The following MYCBP2 variants were observed in gnomAD, a reference collection of about 807,000 sequenced individuals.
The protein encoded by MYCBP2 is E3 ubiquitin-protein ligase MYCBP2.
A neutral mutation model predicts 525.3 loss-of-function variants in MYCBP2; 120 were observed. That is an observed-to-expected ratio of 0.23 (90% CI 0.20 to 0.27). The LOEUF is 0.27. Among genes scored for constraint, MYCBP2 ranks in the 10% least tolerant of loss-of-function variants. MYCBP2 has a pLI of 1.00. For missense variants in MYCBP2, 4,149 were observed against 5,657.1 expected, an observed-to-expected ratio of 0.73 and a Z score of 8.55; for synonymous variants, 1,894 against 1,955.8, an observed-to-expected ratio of 0.97 and a Z score of 0.83.
At chr13:77,317,340 T>C (rs1203381626) in intron 1 of MYCBP2, among the ~76,000 whole-genome samples, 1 of 152,192 alleles carries the variant, frequency 6.6e-6, no homozygotes, top group Non-Finnish European at 1.5e-5. Flanking sequence ...CGCCCTCTGT[T>C]GGAAATGTTT....
rs188835863 is a variant in MYCBP2 at position 77,236,876 on chromosome 13, T to A, written c.2630-3613A>T. Among the ~76,000 whole-genome samples, 146 of 150,996 alleles carry A rather than the reference T, an allele frequency of 9.7e-4. 2 individuals are homozygous for A. In the East Asian group the frequency reaches 0.019, roughly 20 times the overall value. On this transcript the variant is annotated intron_variant, in intron 17 of 82. Coordinates refer to ENST00000544440, the MANE Select transcript of MYCBP2 (RefSeq NM_015057.5). Reference sequence around the variant, plus strand: ...AGCAAGATCCTGCCTCTACAAAAAATAAATAAATAAATAAATAAATAAAAG... The same window carrying A: ...AGCAAGATCCTGCCTCTACAAAAAAAAAATAAATAAATAAATAAATAAAAG...
chr13:77,251,446 C>T, intron 14 of MYCBP2, 91 bp from the exon 15 acceptor site: 1 of 1,046,796 alleles, frequency 9.6e-7, no homozygotes, highest in Non-Finnish European at 1.4e-6. Context: ...AAAATGACAG[C>T]ATGCTAATCC....
chr13:77,065,885 A>T, intron 72 of MYCBP2, 107 bp downstream of exon 72: 1 of 659,510 alleles, frequency 1.5e-6, no homozygotes, highest in Non-Finnish European at 2.5e-6. Context: ...AATAGTCTTT[A>T]AGTAAAGTTA....
intron 21 of MYCBP2, among the ~76,000 whole-genome samples, chr13:77,212,470 C>T (rs958861376): frequency 6.6e-6 from 1 of 152,022 alleles, no homozygotes; most frequent in South Asian, 2.1e-4. Context: ...ATGAAAAGTA[C>T]GACAAATACA....
At chr13:77,263,840 A>C in intron 9 of MYCBP2, 51 bp from the exon 10 acceptor site, 1 of 1,610,340 alleles carries the variant, frequency 6.2e-7, no homozygotes, top group Non-Finnish European at 8.5e-7. Context: ...GAGGTCGTTC[A>C]AGGCTCTACA....
At chr13:77,299,998 T>C (rs112115008) in intron 1 of MYCBP2, among the ~76,000 whole-genome samples, 10 of 152,302 alleles carry the variant, frequency 6.6e-5, no homozygotes, top group African/African-American at 2.4e-4. Context: ...GTGATATAGA[T>C]CAATAGTTTC....
At chr13:77,193,574 T>A (rs1299140437) in intron 27 of MYCBP2, among the ~76,000 whole-genome samples, 1 of 152,170 alleles carries the variant, frequency 6.6e-6, no homozygotes, top group Non-Finnish European at 1.5e-5. Flanking sequence ...AATATTGAGA[T>A]AATTCTTAGG....
intron 17 of MYCBP2, among the ~76,000 whole-genome samples, chr13:77,238,071 A>G (rs1230652243): frequency 6.6e-6 from 1 of 151,862 alleles, no homozygotes; most frequent in East Asian, 1.9e-4. Flanking sequence ...GTGAAACCCC[A>G]TCTCTAGTAA....
At position 77,095,419 on chromosome 13, in the gene MYCBP2, C is replaced by G. The variant is rs2046093116; in HGVS notation, c.10138G>C (p.Glu3380Gln). ...PFQSQLPSVK[E>Q]GISEDLPVKM... is the part of the protein sequence containing the mutation. ...ACAGGAAGATCCTCAGAAATGCCTTCTTTTACACTGGGCAACTGAGATTGG... is the reference window on the plus strand; with the variant it reads ...ACAGGAAGATCCTCAGAAATGCCTTGTTTTACACTGGGCAACTGAGATTGG... The change falls in exon 58 of 83, where the codon GAA becomes CAA. Residue 3380 changes from glutamate to glutamine, a missense_variant. Physicochemically the swap from Glu to Gln is conservative, Grantham distance 29. Coordinates refer to ENST00000544440, the MANE Select transcript of MYCBP2 (RefSeq NM_015057.5). 6.2e-7 allele frequency: 1 copy of G among 1,613,464 alleles called. No homozygotes were observed. Among genetic ancestry groups the G allele is most frequent in the Non-Finnish European group, 8.5e-7 (1 of 1,179,678 alleles).
At chr13:77,097,261 T>C (rs2046404162) in intron 56 of MYCBP2, 109 bp downstream of exon 56, 2 of 1,405,650 alleles carry the variant, frequency 1.4e-6, no homozygotes, top group Non-Finnish European at 1.9e-6. Flanking sequence ...CATTCTAAGA[T>C]ACTATAAATT....
intron 55 of MYCBP2, among the ~76,000 whole-genome samples, chr13:77,114,764 C>T (rs989271414): frequency 2.0e-5 from 3 of 151,988 alleles, no homozygotes; most frequent in East Asian, 3.9e-4. Context: ...AAAAATAAAA[C>T]ATTATAAAAT....
intron 71 of MYCBP2, among the ~76,000 whole-genome samples, chr13:77,066,412 T>A (rs576657439): frequency 6.6e-6 from 1 of 152,366 alleles, no homozygotes; most frequent in African/African-American, 2.4e-5. Context: ...ATAAATTCAC[T>A]GTATCACTAA....
At chr13:77,197,963 T>C (rs1241057099) in intron 26 of MYCBP2, among the ~76,000 whole-genome samples, 2 of 152,204 alleles carry the variant, frequency 1.3e-5, no homozygotes, top group Non-Finnish European at 2.9e-5. Flanking sequence ...TCCATAATTC[T>C]ATATACTACA....
Position 77,077,519 on chromosome 13 carries a change from A to C in MYCBP2, c.11485-132T>G. 4 of 1,079,596 alleles carry C rather than the reference A, an allele frequency of 3.7e-6. No homozygotes were observed. The South Asian group carries it at 6.4e-5, about 17-fold the overall frequency. 66.9% of individuals were successfully genotyped at this position (1,079,596 alleles called of 1,614,324 possible). On this transcript the variant is annotated intron_variant, in intron 66 of 82. Coordinates refer to ENST00000544440, the MANE Select transcript of MYCBP2 (RefSeq NM_015057.5). ...AGAGTAAAGGTTATGAGGTTATTTC[A>C]CACTGATTTTCTTATTTCAACCAGG...
intron 8 of MYCBP2, among the ~76,000 whole-genome samples, chr13:77,267,424 T>A (rs7334479): frequency 0.68 from 99,804 of 146,548 alleles, 34,569 homozygotes; most frequent in Middle Eastern, 0.79. Context: ...TAAATTAAAT[T>A]AAATAAAATT....
intron 1 of MYCBP2, among the ~76,000 whole-genome samples, chr13:77,297,375 A>C (rs762449859): frequency 2.0e-5 from 3 of 152,236 alleles, no homozygotes; most frequent in Non-Finnish European, 2.9e-5. Context: ...TCTTGTCCCC[A>C]AGGAGCTCAG....
intron 4 of MYCBP2, among the ~76,000 whole-genome samples, chr13:77,274,220 G>C (rs1290868184): frequency 1.3e-5 from 2 of 152,108 alleles, no homozygotes; most frequent in Non-Finnish European, 2.9e-5. Context: ...TAATGAAATT[G>C]AGATATGTGG....
chr13:77,244,202 G>A (rs1480455042), intron 15 of MYCBP2, among the ~76,000 whole-genome samples: 1 of 152,120 alleles, frequency 6.6e-6, no homozygotes, highest in Non-Finnish European at 1.5e-5. Context: ...ACACAGATTC[G>A]ACTATCATCA....
rs575664322 is a variant in MYCBP2, at chr13:77,237,143, T to G, written c.2630-3880A>C. On this transcript the variant is annotated intron_variant, in intron 17 of 82. Coordinates refer to ENST00000544440, the MANE Select transcript of MYCBP2 (RefSeq NM_015057.5). ...AAACCCACAAAAACTTACAATAACC[T>G]GAATGCCCATCAATAAATAATGGTT... is the stretch of plus-strand genomic sequence containing the variant. Among the ~76,000 whole-genome samples the G allele has an allele frequency of 9.2e-5, 14 of 152,228 alleles. No individual in the cohort carries two copies. The South Asian group carries it at 2.9e-3, about 32-fold the overall frequency.
Sources: gnomAD v4.1 joint callset for allele counts (sites outside exome capture counted in the v4.1 genomes callset) on GRCh38, gnomAD v4.1.1 for gene constraint, MANE v1.5 for transcripts, NCBI Gene and HGNC (gene_info 2026-07-23, HGNC 2026-07-21) for gene names.